PKHD1L1: variants seen among roughly 807,000 people sequenced by gnomAD.
PKHD1L1 encodes the protein PKHD1 like 1.
Under a neutral mutation model 462.9 loss-of-function variants are expected in PKHD1L1, and 434 were observed. That is an observed-to-expected ratio of 0.94 (90% CI 0.87 to 1.02). The LOEUF is 1.02. Ranked by LOEUF, PKHD1L1 falls within the 50% of genes least tolerant of loss-of-function variation. The pLI, the probability that PKHD1L1 is intolerant of heterozygous loss-of-function variation, is 0.00. For synonymous variants in PKHD1L1, 1,781 were observed against 1,750.0 expected, an observed-to-expected ratio of 1.02 and a Z score of -0.44; for missense variants, 5,202 against 5,096.1, an observed-to-expected ratio of 1.02 and a Z score of -0.63.
intron 50 of PKHD1L1, among the ~76,000 whole-genome samples, chr8:109,468,011 C>T (rs1586576516): frequency 6.6e-6 from 1 of 152,118 alleles, no homozygotes; most frequent in South Asian, 2.1e-4. Flanking sequence ...TTTCATGTTA[C>T]TTTAAAATGC....
At chr8:109,461,998 A>G (rs1817164495) in intron 48 of PKHD1L1, 90 bp downstream of exon 48, 6 of 1,410,850 alleles carry the variant, frequency 4.3e-6, no homozygotes, top group African/African-American at 1.4e-5. Context: ...TGTCAATGCT[A>G]CTTATAATCT....
chr8:109,473,309 C>T (rs753915541), intron 50 of PKHD1L1, among the ~76,000 whole-genome samples: 2 of 151,896 alleles, frequency 1.3e-5, no homozygotes, highest in African/African-American at 4.8e-5. Context: ...GTCAAGAGTT[C>T]GAAAGCAGCC....
chr8:109,456,442 T>C (rs1816831785), intron 46 of PKHD1L1, 51 bp downstream of exon 46: 1 of 1,505,178 alleles, frequency 6.6e-7, no homozygotes, highest in Non-Finnish European at 8.9e-7. Context: ...GAAATTTTTA[T>C]ACTGTATAAA....
At chr8:109,416,931 G>A (rs180736364) in intron 21 of PKHD1L1, among the ~76,000 whole-genome samples, 136 of 152,194 alleles carry the variant, frequency 8.9e-4, no homozygotes, top group Non-Finnish European at 1.4e-3. Context: ...GATGCCTATC[G>A]CCCTTATGCT....
chr8:109,449,455 CA>C lies in PKHD1L1; in HGVS notation c.6145del (p.Thr2049HisfsTer20), dbSNP rs1295698268. On this transcript the variant is annotated frameshift_variant, in exon 40 of 78. Coordinates refer to ENST00000378402, the MANE Select transcript of PKHD1L1 (RefSeq NM_177531.6). LOFTEE classifies it high-confidence loss of function. ...ATTGACAGGCTTAGATCTGATTACA[CA>C]ACACTATTATGTGAAATTCCATCTA... ...CAIDRLRSDYTTLLCEIPSNN... is the reference protein window; with the variant it reads ...CAIDRLRSDYXTLLCEIPSNN... 7.5e-6 allele frequency: 12 copies of C among 1,600,354 alleles called. No individual in the cohort carries two copies. The highest frequency in any genetic ancestry group is 3.4e-6 in the Non-Finnish European group (4 of 1,172,708).
At chr8:109,475,437 C>A (rs2130867781) in intron 51 of PKHD1L1, among the ~76,000 whole-genome samples, 168 bp downstream of exon 51, 1 of 151,952 alleles carries the variant, frequency 6.6e-6, no homozygotes, top group African/African-American at 2.4e-5. Flanking sequence ...AGAAGTAAGC[C>A]AAAAAAATCT....
chr8:109,477,184 G>T, intron 52 of PKHD1L1, 41 bp from the exon 53 acceptor site: 1 of 1,599,590 alleles, frequency 6.3e-7, no homozygotes. Context: ...CAAGTACTTT[G>T]GTCACTATGT....
Position 109,535,009 on chromosome 8 carries a change from C to A in PKHD1L1, c.*4919C>A, listed in dbSNP as rs965241843. Among the ~76,000 whole-genome samples, 7 of 151,938 alleles carry A rather than the reference C, an allele frequency of 4.6e-5. No homozygotes were observed. The highest frequency in any genetic ancestry group is 1.7e-4 in the African/African-American group (7 of 41,352). On this transcript the variant is annotated 3_prime_UTR_variant, in exon 78 of 78. Transcript: ENST00000378402. ...GTGTTAAATAAACTTTCTGATAAAC[C>A]AATGATTGGGTAGCATGATGAAACT...
chr8:109,426,694 C>G (rs1482471151), intron 24 of PKHD1L1, among the ~76,000 whole-genome samples: 2 of 152,136 alleles, frequency 1.3e-5, no homozygotes, highest in African/African-American at 4.8e-5. Context: ...CTCGCTGTCA[C>G]CAAGGCTTTA....
In PKHD1L1 at chr8:109,531,850, T is replaced by C. The variant is rs1403987335; in HGVS notation, c.*1760T>C. Among the ~76,000 whole-genome samples the C allele has an allele frequency of 6.6e-6, 1 of 151,984 alleles. No individual in the cohort carries two copies. Among genetic ancestry groups the C allele is most frequent in the East Asian group, 1.9e-4 (1 of 5,162 alleles). On this transcript the variant is annotated 3_prime_UTR_variant, in exon 78 of 78. Transcript: ENST00000378402. ...ACCCTGGTGGGGTGAAAAACCTCTG[T>C]TCCTGGGATAGGGAGGGGGAAAGAG...
chr8:109,485,256 A>C, intron 58 of PKHD1L1, 83 bp downstream of exon 58: 1 of 1,215,736 alleles, frequency 8.2e-7, no homozygotes, highest in Non-Finnish European at 1.1e-6. Flanking sequence ...TTCTTTGATA[A>C]AACATGTCAC....
At chr8:109,375,305 C>T (rs1415082630) in intron 2 of PKHD1L1, among the ~76,000 whole-genome samples, 1 of 152,186 alleles carries the variant, frequency 6.6e-6, no homozygotes, top group Non-Finnish European at 1.5e-5. Flanking sequence ...GCTACTGAGG[C>T]TTGTGCATTT....
chr8:109,461,557 T>C (rs1031513358), intron 47 of PKHD1L1, among the ~76,000 whole-genome samples: 3 of 152,196 alleles, frequency 2.0e-5, no homozygotes, highest in Non-Finnish European at 4.4e-5. Context: ...TGAAAAATAC[T>C]GTATAAGTAC....
Position 109,510,771 on chromosome 8 carries a change from A to G in PKHD1L1, c.11396-6A>G. On this transcript the variant is annotated splice_polypyrimidine_tract_variant and splice_region_variant and intron_variant, in intron 70 of 77. Transcript: ENST00000378402. ...GAGTATGCACTTTCATTTTGCATGG[A>G]TTTAGGCCCACAGGATCATGGCTGG... The G allele has an allele frequency of 1.2e-6, 2 of 1,611,720 alleles. No individual in the cohort carries two copies. Among genetic ancestry groups the G allele is most frequent in the Middle Eastern group, 1.7e-4 (1 of 6,038 alleles).
In PKHD1L1 at chr8:109,444,759, G is replaced by T; in HGVS notation, c.4890G>T (p.Arg1630Ser). The T allele has an allele frequency of 6.2e-7, 1 of 1,613,998 alleles. No individual in the cohort carries two copies. Among genetic ancestry groups the T allele is most frequent in the Non-Finnish European group, 8.5e-7 (1 of 1,179,874 alleles). ...DPQNSMDVGI[R>S]ETVTLTVYNL... is the part of the protein sequence containing the mutation. Reference sequence around the variant, plus strand: ...AAAACTCAATGGATGTTGGTATCAGGGAAACTGTCACTTTGACTGTCTACA... The same window carrying T: ...AAAACTCAATGGATGTTGGTATCAGTGAAACTGTCACTTTGACTGTCTACA... The change falls in exon 38 of 78, where the codon AGG becomes AGT. Residue 1630 changes from arginine (R) to serine (S), a missense_variant. Coordinates refer to ENST00000378402, the MANE Select transcript of PKHD1L1 (RefSeq NM_177531.6).
chr8:109,460,484 G>T (rs544436445), intron 47 of PKHD1L1, among the ~76,000 whole-genome samples: 1 of 152,238 alleles, frequency 6.6e-6, no homozygotes, highest in East Asian at 1.9e-4. Context: ...CTAAGTCCGA[G>T]TTTTTCAAAG....
At chr8:109,395,005 T>C (rs766515335) in intron 10 of PKHD1L1, among the ~76,000 whole-genome samples, 8 of 152,202 alleles carry the variant, frequency 5.3e-5, no homozygotes, top group Non-Finnish European at 1.2e-4. Flanking sequence ...GAATACAGGT[T>C]GTTTACCCTC....
At chr8:109,519,513 G>T (rs759499518) in intron 73 of PKHD1L1, among the ~76,000 whole-genome samples, 5 of 151,966 alleles carry the variant, frequency 3.3e-5, no homozygotes, top group Non-Finnish European at 5.9e-5. Context: ...CTGGTCTTCT[G>T]GGATGCAATA....
At chr8:109,421,246 C>G (rs1160909543) in intron 23 of PKHD1L1, among the ~76,000 whole-genome samples, 2 of 151,194 alleles carry the variant, frequency 1.3e-5, no homozygotes, top group East Asian at 1.9e-4. Context: ...TACCACAAAC[C>G]AAAAACAAGT....
Sources: gnomAD v4.1 joint callset for allele counts (sites outside exome capture counted in the v4.1 genomes callset) on GRCh38, gnomAD v4.1.1 for gene constraint, MANE v1.5 for transcripts, NCBI Gene and HGNC (gene_info 2026-07-23, HGNC 2026-07-21) for gene names.